Variants in RFC1 observed in about 807,000 individuals in gnomAD.
RFC1 encodes the protein replication factor C subunit 1, also known as A1 140 kDa subunit.
A neutral mutation model predicts 137.4 loss-of-function variants in RFC1; 37 were observed. The observed-to-expected ratio is 0.27, with a 90% CI of 0.21 to 0.35. The LOEUF is 0.35. RFC1 is among the 10% of genes least tolerant of loss of function. The pLI, the probability that RFC1 is intolerant of heterozygous loss-of-function variation, is 1.00. For synonymous variants in RFC1, 429 were observed against 455.7 expected, an observed-to-expected ratio of 0.94 and a Z score of 0.75; for missense variants, 1,205 against 1,358.5, an observed-to-expected ratio of 0.89 and a Z score of 1.78.
chr4:39,309,168 A>T, intron 12 of RFC1, 136 bp from the exon 13 acceptor site: 4 of 830,566 alleles, frequency 4.8e-6, no homozygotes, highest in Non-Finnish European at 7.0e-6. Context: ...TTCACAACAG[A>T]CTTTCCTGTT....
chr4:39,299,890 G>A (rs868590566), intron 21 of RFC1, 131 bp downstream of exon 21: 22 of 637,444 alleles, frequency 3.5e-5, no homozygotes, highest in Non-Finnish European at 5.2e-5. Flanking sequence ...ACTCCAGCCC[G>A]GGCAACAGAG....
chr4:39,354,655 C>A (rs965319206), intron 1 of RFC1, among the ~76,000 whole-genome samples: 1 of 147,080 alleles, frequency 6.8e-6, no homozygotes, highest in Non-Finnish European at 1.5e-5. Flanking sequence ...CTGTGGTGCA[C>A]ACCTACAGTC....
In RFC1 at chr4:39,288,482, G is replaced by GA; in HGVS notation, c.*278_*279insT. ...AATCTGACTCCAAAGCCCAGGTGTA[G>GA]TTTCTAGTTCCAATTCTACAGTCAT... On this transcript the variant is annotated 3_prime_UTR_variant, in exon 25 of 25. Coordinates refer to ENST00000349703, the MANE Select transcript of RFC1 (RefSeq NM_002913.5). 3.7e-6 allele frequency: 1 copy of GA among 270,962 alleles called. No individual in the cohort carries two copies. Among genetic ancestry groups the GA allele is most frequent in the Non-Finnish European group, 6.9e-6 (1 of 145,936 alleles). The allele number at this position is 270,962 out of a possible 1,614,324, so 16.8% of individuals were successfully genotyped here. A position where few individuals can be genotyped will look rare whatever the true frequency, so the allele number is the denominator to read the frequency against.
At chr4:39,311,031 C>T (rs1738937005) in intron 12 of RFC1, among the ~76,000 whole-genome samples, 1 of 152,038 alleles carries the variant, frequency 6.6e-6, no homozygotes, top group Admixed American at 6.5e-5. Flanking sequence ...GTTCCAGCTA[C>T]TCAGGAGGCT....
chr4:39,307,078 C>T (rs374489094), intron 13 of RFC1, among the ~76,000 whole-genome samples: 1 of 152,146 alleles, frequency 6.6e-6, no homozygotes, highest in Non-Finnish European at 1.5e-5. Flanking sequence ...TGACTTAGCC[C>T]CTCTGTGCCT....
intron 9 of RFC1, among the ~76,000 whole-genome samples, chr4:39,319,616 A>G (rs1739414891): frequency 6.6e-6 from 1 of 152,248 alleles, no homozygotes; most frequent in African/African-American, 2.4e-5. Context: ...TATGATCGTT[A>G]GAAATAAAAC....
intron 22 of RFC1, among the ~76,000 whole-genome samples, chr4:39,293,037 C>T (rs939762486): frequency 2.6e-5 from 4 of 152,156 alleles, no homozygotes; most frequent in African/African-American, 9.7e-5. Context: ...GGGTCCTGCT[C>T]CTGCCTTCAA....
chr4:39,303,445 C>A (rs1456771026), intron 15 of RFC1, among the ~76,000 whole-genome samples: 2 of 151,220 alleles, frequency 1.3e-5, no homozygotes, highest in Non-Finnish European at 2.9e-5. Flanking sequence ...TAAAAATATA[C>A]AACTGAGTTT....
chr4:39,309,622 T>C (rs973311074), intron 12 of RFC1, among the ~76,000 whole-genome samples: 5 of 152,202 alleles, frequency 3.3e-5, no homozygotes, highest in African/African-American at 7.2e-5. Context: ...ACGTCCAGCA[T>C]AGGAAAATCC....
intron 1 of RFC1, among the ~76,000 whole-genome samples, chr4:39,351,680 G>A (rs17287887): frequency 1.3e-5 from 2 of 151,944 alleles, no homozygotes; most frequent in South Asian, 2.1e-4. Flanking sequence ...ATAATTTGTC[G>A]GCCAGGCGCG....
intron 1 of RFC1, among the ~76,000 whole-genome samples, chr4:39,364,277 AAAAG>A (rs981445968): frequency 6.6e-6 from 1 of 151,852 alleles, no homozygotes; most frequent in African/African-American, 2.4e-5. Context: ...AAAAAAAAAA[AAAAG>A]AACTACTGTC....
At chr4:39,320,359 A>G (rs775958290) in intron 9 of RFC1, 24 bp downstream of exon 9, 35 of 1,467,454 alleles carry the variant, frequency 2.4e-5, no homozygotes, top group Non-Finnish European at 3.1e-5. Context: ...CAAAAAAAAA[A>G]AAAAAAAAAA....
chr4:39,302,193 A>T, intron 19 of RFC1, 85 bp downstream of exon 19: 1 of 810,738 alleles, frequency 1.2e-6, no homozygotes, highest in Non-Finnish European at 2.1e-6. Flanking sequence ...CCAAGGAACT[A>T]TAATAACTAC....
At chr4:39,361,048 T>C (rs6816953) in intron 1 of RFC1, among the ~76,000 whole-genome samples, 3,657 of 152,272 alleles carry the variant, frequency 0.024, 72 homozygotes, top group Non-Finnish European at 0.036. Context: ...ATAAAATATA[T>C]AATGATTTAA....
At chr4:39,342,560 G>T in intron 3 of RFC1, 93 bp from the exon 4 acceptor site, 2 of 1,279,532 alleles carry the variant, frequency 1.6e-6, no homozygotes, top group Non-Finnish European at 2.2e-6. Context: ...AATTCCTCAA[G>T]GTCTTTTTCA....
At chr4:39,322,838 C>T (rs980151353) in intron 7 of RFC1, among the ~76,000 whole-genome samples, 1 of 151,822 alleles carries the variant, frequency 6.6e-6, no homozygotes, top group Non-Finnish European at 1.5e-5. Context: ...AATCCTAGCA[C>T]TTTGAGAGGC....
Position 39,366,342 on chromosome 4 carries a change from G to T in RFC1, c.-101C>A. ...CATTCGCGCCAACAACTTCTCCCGC[G>T]AAGTGCAAGAAGGCGAAGACAGTGG... On this transcript the variant is annotated 5_prime_UTR_variant, in exon 1 of 25. Coordinates refer to ENST00000349703, the MANE Select transcript of RFC1 (RefSeq NM_002913.5). 2.3e-6 allele frequency: 3 copies of T among 1,321,750 alleles called. No homozygotes were observed. The highest frequency in any genetic ancestry group is 1.5e-5 in the African/African-American group (1 of 65,630). The allele number at this position is 1,321,750 out of a possible 1,614,324, so 81.9% of individuals were successfully genotyped here.
chr4:39,291,141 A>G (rs1737654129), intron 23 of RFC1, among the ~76,000 whole-genome samples: 1 of 152,210 alleles, frequency 6.6e-6, no homozygotes, highest in Non-Finnish European at 1.5e-5. Flanking sequence ...ATGATGTATC[A>G]CTTTAGTTTT....
chr4:39,351,110 G>A (rs975109083), intron 2 of RFC1, among the ~76,000 whole-genome samples: 9 of 151,886 alleles, frequency 5.9e-5, no homozygotes, highest in Non-Finnish European at 1.2e-4. Context: ...AATTAGCTGG[G>A]TGTGGTGGCG....
Sources: gnomAD v4.1 joint callset for allele counts (sites outside exome capture counted in the v4.1 genomes callset) on GRCh38, gnomAD v4.1.1 for gene constraint, MANE v1.5 for transcripts, NCBI Gene and HGNC (gene_info 2026-07-23, HGNC 2026-07-21) for gene names.